Variants in DLG2 observed in about 807,000 individuals in gnomAD.
DLG2 encodes the protein discs large MAGUK scaffold protein 2, also known as disks large homolog 2.
DLG2 carries 45 observed loss-of-function variants against 132.5 expected under a neutral mutation model. The ratio of observed to expected loss-of-function variants is 0.34; its 90% confidence interval spans 0.27 to 0.44. The LOEUF (loss-of-function observed/expected upper bound fraction) is 0.44. DLG2 is among the 20% of genes least tolerant of loss of function. The pLI, the probability that DLG2 is intolerant of heterozygous loss-of-function variation, is 1.00. For missense variants in DLG2, 1,045 were observed against 1,196.9 expected, an observed-to-expected ratio of 0.87 and a Z score of 1.87; for synonymous variants, 424 against 419.6, an observed-to-expected ratio of 1.01 and a Z score of -0.13.
chr11:85,249,089 A>C (rs947169515), intron 4 of DLG2, among the ~76,000 whole-genome samples: 1 of 152,120 alleles, frequency 6.6e-6, no homozygotes, highest in Non-Finnish European at 1.5e-5. Context: ...ACATGTTGAA[A>C]ATAAACTATG....
intron 7 of DLG2, among the ~76,000 whole-genome samples, chr11:84,366,278 C>T (rs1280431595): frequency 6.6e-6 from 1 of 151,870 alleles, no homozygotes; most frequent in African/African-American, 2.4e-5. Context: ...GATTTTGTCA[C>T]CACCAGGCCT....
chr11:85,315,006 T>C (rs1014084191), intron 3 of DLG2, among the ~76,000 whole-genome samples: 5 of 151,962 alleles, frequency 3.3e-5, no homozygotes, highest in African/African-American at 1.2e-4. Context: ...CAACTCAGGG[T>C]ACATGAGGTT....
At chr11:84,359,926 T>C (rs925150945) in intron 7 of DLG2, among the ~76,000 whole-genome samples, 8 of 151,964 alleles carry the variant, frequency 5.3e-5, no homozygotes, top group Non-Finnish European at 1.2e-4. Flanking sequence ...AATTTCCTGA[T>C]ATATTTGATG....
intron 6 of DLG2, among the ~76,000 whole-genome samples, chr11:84,959,901 C>G (rs1403216230): frequency 6.6e-6 from 1 of 151,996 alleles, no homozygotes; most frequent in Non-Finnish European, 1.5e-5. Context: ...GAAAAAAAAA[C>G]TGGTTAAGTA....
At chr11:84,181,646 G>A (rs770121678) in intron 8 of DLG2, among the ~76,000 whole-genome samples, 5 of 152,012 alleles carry the variant, frequency 3.3e-5, no homozygotes, top group Non-Finnish European at 7.4e-5. Flanking sequence ...CACCTTAAAT[G>A]TAAGGAGAAC....
intron 6 of DLG2, among the ~76,000 whole-genome samples, chr11:85,022,469 T>A (rs2060161859): frequency 6.6e-6 from 1 of 152,086 alleles, no homozygotes; most frequent in Non-Finnish European, 1.5e-5. Flanking sequence ...TATGTTACTC[T>A]GGATTACCTA....
At chr11:85,143,294 G>T (rs1287747926) in intron 5 of DLG2, among the ~76,000 whole-genome samples, 1 of 151,572 alleles carries the variant, frequency 6.6e-6, no homozygotes. Flanking sequence ...TATGTGTCTA[G>T]AAATTTATTT....
chr11:84,520,066 C>A (rs998534257), intron 7 of DLG2, among the ~76,000 whole-genome samples: 2 of 152,172 alleles, frequency 1.3e-5, no homozygotes, highest in Non-Finnish European at 2.9e-5. Context: ...TGAAGATTTT[C>A]TACCTTTTGC....
chr11:85,027,561 G>A (rs2060640708), intron 6 of DLG2, among the ~76,000 whole-genome samples: 1 of 152,222 alleles, frequency 6.6e-6, no homozygotes, highest in Non-Finnish European at 1.5e-5. Context: ...GGCACGGAGT[G>A]GCAAAGAGTG....
At chr11:84,393,859 T>C (rs1413633988) in intron 7 of DLG2, among the ~76,000 whole-genome samples, 3 of 152,258 alleles carry the variant, frequency 2.0e-5, no homozygotes, top group African/African-American at 7.2e-5. Flanking sequence ...TAATACATTA[T>C]TGTCATCATA....
At chr11:83,582,773 C>A (rs192208651) in intron 19 of DLG2, among the ~76,000 whole-genome samples, 1 of 152,094 alleles carries the variant, frequency 6.6e-6, no homozygotes, top group Non-Finnish European at 1.5e-5. Flanking sequence ...TATCTTTCAG[C>A]GACAAGCATT....
intron 2 of DLG2, among the ~76,000 whole-genome samples, chr11:85,610,555 T>A (rs2153271203): frequency 6.6e-6 from 1 of 152,312 alleles, no homozygotes; most frequent in East Asian, 1.9e-4. Context: ...AGCCCTTACC[T>A]GTTTGGTCAG....
intron 6 of DLG2, among the ~76,000 whole-genome samples, chr11:84,827,422 C>T (rs1031749370): frequency 6.6e-6 from 1 of 151,266 alleles, no homozygotes; most frequent in Admixed American, 6.6e-5. Flanking sequence ...GTTTAAAATC[C>T]AGACAGTGTT....
At chr11:83,713,985 G>T (rs2086098970) in intron 18 of DLG2, among the ~76,000 whole-genome samples, 1 of 152,172 alleles carries the variant, frequency 6.6e-6, no homozygotes, top group African/African-American at 2.4e-5. Flanking sequence ...AAGTGAAGTT[G>T]CCAGAGTGGG....
intron 6 of DLG2, among the ~76,000 whole-genome samples, chr11:84,733,705 C>T (rs1054128296): frequency 2.6e-5 from 4 of 152,240 alleles, no homozygotes; most frequent in African/African-American, 7.2e-5. Context: ...GACATGAAGT[C>T]CTTGCCCATG....
intron 6 of DLG2, among the ~76,000 whole-genome samples, chr11:84,858,247 G>A (rs1201048146): frequency 1.3e-5 from 2 of 151,734 alleles, no homozygotes; most frequent in African/African-American, 4.8e-5. Context: ...GCCAAGTTTA[G>A]AAACAGCAGT....
rs1239361678 is a variant in DLG2, at chr11:85,033,699, C to T, written c.357+77962G>A. Among the ~76,000 whole-genome samples the T allele has an allele frequency of 3.3e-5, 5 of 152,108 alleles. No homozygotes were observed. In the East Asian group the frequency reaches 9.6e-4, roughly 29 times the overall value. On this transcript the variant is annotated intron_variant, in intron 6 of 27. Transcript: ENST00000376104. ...AATGTCATTTAATCACTCTGAGTTC[C>T]AGTTCTTAAATATCTAATACACAAA...
At chr11:84,095,064 G>GA (rs952356224) in intron 10 of DLG2, among the ~76,000 whole-genome samples, 12 of 150,812 alleles carry the variant, frequency 8.0e-5, no homozygotes, top group African/African-American at 2.4e-4. Context: ...ATGACCAAGA[G>GA]AAAAAAAAGT....
chr11:83,527,549 A>ATT (rs140572835), intron 21 of DLG2, among the ~76,000 whole-genome samples: 13 of 150,684 alleles, frequency 8.6e-5, no homozygotes, highest in African/African-American at 2.4e-4. Flanking sequence ...TGTCTCTACA[A>ATT]TTTTTTTTTT....
Sources: gnomAD v4.1 joint callset for allele counts (sites outside exome capture counted in the v4.1 genomes callset) on GRCh38, gnomAD v4.1.1 for gene constraint, MANE v1.5 for transcripts, NCBI Gene and HGNC (gene_info 2026-07-23, HGNC 2026-07-21) for gene names.